Variants in WDR24 observed in about 807,000 individuals in gnomAD.
WDR24 encodes the protein GATOR2 complex protein WDR24.
In WDR24, 32 loss-of-function variants were observed where a neutral mutation model predicts 66.7. That is an observed-to-expected ratio of 0.48 (90% CI 0.36 to 0.64). The LOEUF is 0.64. Ranked by LOEUF, WDR24 falls within the 30% of genes least tolerant of loss-of-function variation. The pLI is 0.00. For synonymous variants in WDR24, 565 were observed against 469.1 expected (o/e 1.20, Z -2.64); for missense variants, 978 against 1,144.1 (o/e 0.85, Z 2.09).
In WDR24 at chr16:690,280, C is replaced by T. The variant is rs562482631; in HGVS notation, c.-640G>A. ...GGTTCCTGGGAGCGGCGCAGTGGCG[C>T]GGGGGAGCGGACGCTGCGGGACGAG... On this transcript the variant is annotated 5_prime_UTR_variant, in exon 1 of 9. Coordinates refer to ENST00000293883, the MANE Select transcript of WDR24 (RefSeq NM_032259.4). 175 of 438,524 alleles carry T rather than the reference C, an allele frequency of 4.0e-4. No homozygotes were observed. Among genetic ancestry groups the T allele is most frequent in the Non-Finnish European group, 6.9e-4 (151 of 217,390 alleles). 27.2% of individuals were successfully genotyped at this position (438,524 alleles called of 1,614,324 possible). A position where few individuals can be genotyped will look rare whatever the true frequency, so the allele number is the denominator to read the frequency against.
Position 684,886 on chromosome 16 carries a change from T to C in WDR24, c.2221A>G (p.Ser741Gly). ...ACGTGGTGGCAGACGGCACACATGC[T>C]GGCGCAGCGGTGGCACCTGGGGGCG... ...WVCDRCHRCA[S>G]MCAVCHHVVK... The change falls in exon 9 of 9, where the codon AGC becomes GGC. Residue 741 changes from serine (S) to glycine (G), a missense_variant. Ser to Gly is a moderately conservative substitution (Grantham distance 56). Coordinates refer to ENST00000293883, the MANE Select transcript of WDR24 (RefSeq NM_032259.4). 2 of 764,958 alleles carry C rather than the reference T, an allele frequency of 2.6e-6. No homozygotes were observed. Among genetic ancestry groups the C allele is most frequent in the Non-Finnish European group, 3.8e-6 (2 of 529,770 alleles). 47.4% of individuals were successfully genotyped at this position (764,958 alleles called of 1,614,324 possible).
Position 685,122 on chromosome 16 carries a change from C to A in WDR24, c.2074G>T (p.Val692Leu). 1 of 1,559,782 alleles carries A rather than the reference C, an allele frequency of 6.4e-7. No homozygotes were observed. The highest frequency in any genetic ancestry group is 1.2e-5 in the South Asian group (1 of 85,426). ...DLLQRFRLWN[V>L]SNEVVKLSTS... Reference sequence around the variant, plus strand: ...CTCAGCTTGACCACCTCGTTGGACACGTTCCAGAGGCGGAAGCGCTGCAGC... The same window carrying A: ...CTCAGCTTGACCACCTCGTTGGACAAGTTCCAGAGGCGGAAGCGCTGCAGC... Residue 692 changes from valine to leucine, a missense_variant, in exon 8 of 9, where the codon GTG becomes TTG. By Grantham distance (32) the Val-to-Leu change is conservative. This residue lies in a region of WDR24 where 676 missense variants were observed against 617.5 expected (regional missense o/e 1.09). Coordinates refer to ENST00000293883, the MANE Select transcript of WDR24 (RefSeq NM_032259.4).
rs568619454 is a variant in WDR24 at position 689,693 on chromosome 16, C to T, written c.-53G>A. The T allele has an allele frequency of 8.8e-6, 14 of 1,584,710 alleles. No homozygotes were observed. In the East Asian group the frequency reaches 2.9e-4, roughly 33 times the overall value. ...CAGGAGGTCAGTGAGGTGGGCTGGCCTGGTCAGCCTGGGTGGGTCATCAGT... is the reference window on the plus strand; with the variant it reads ...CAGGAGGTCAGTGAGGTGGGCTGGCTTGGTCAGCCTGGGTGGGTCATCAGT... On this transcript the variant is annotated 5_prime_UTR_variant, in exon 1 of 9. Coordinates refer to ENST00000293883, the MANE Select transcript of WDR24 (RefSeq NM_032259.4).
At position 686,123 on chromosome 16, in the gene WDR24, T is replaced by C; in HGVS notation, c.1396A>G (p.Asn466Asp). ...YCSPGLVPTA[N>D]LNHSVGKGGS... is the part of the protein sequence containing the mutation. ...CCCTTGCCCACACTGTGGTTGAGGTTTGCAGTGGGCACTAGGCCAGGGCTG... is the reference window on the plus strand; with the variant it reads ...CCCTTGCCCACACTGTGGTTGAGGTCTGCAGTGGGCACTAGGCCAGGGCTG... The change falls in exon 4 of 9, where the codon AAC becomes GAC. Residue 466 changes from asparagine to aspartate, a missense_variant. Around this residue, in one of 2 missense-constraint regions of WDR24, gnomAD observed 676 missense variants for 617.5 expected, o/e 1.09. Coordinates refer to ENST00000293883, the MANE Select transcript of WDR24 (RefSeq NM_032259.4). The C allele has an allele frequency of 6.2e-7, 1 of 1,613,082 alleles. No individual in the cohort carries two copies. Among genetic ancestry groups the C allele is most frequent in the Non-Finnish European group, 8.5e-7 (1 of 1,179,962 alleles).
At chr16:687,904 A>T (rs1279529868) in intron 1 of WDR24, 165 bp from the exon 2 acceptor site, 1 of 890,968 alleles carries the variant, frequency 1.1e-6, no homozygotes, top group Non-Finnish European at 1.8e-6. Flanking sequence ...AGCCACACAG[A>T]GTCGCCACAA....
At chr16:688,584 G>A (rs1013825111) in intron 1 of WDR24, among the ~76,000 whole-genome samples, 4 of 152,218 alleles carry the variant, frequency 2.6e-5, no homozygotes, top group African/African-American at 7.2e-5. Context: ...GAGCCACCGC[G>A]CCCTGCCAGG....
chr16:684,894 C>A lies in WDR24; in HGVS notation c.2213G>T (p.Arg738Leu), dbSNP rs1232722096. The change falls in exon 9 of 9, where the codon CGC becomes CTC. Residue 738 changes from arginine to leucine, a missense_variant. Transcript: ENST00000293883. ...GCAGACGGCACACATGCTGGCGCAG[C>A]GGTGGCACCTGGGGGCGGGCGGGAG... is the stretch of plus-strand genomic sequence containing the variant. The part of the protein sequence containing the change: ...SRGWVCDRCH[R>L]CASMCAVCHH... 1 of 366,540 alleles carries A rather than the reference C, an allele frequency of 2.7e-6. No homozygotes were observed. Among genetic ancestry groups the A allele is most frequent in the South Asian group, 1.8e-5 (1 of 54,718 alleles). 22.7% of individuals were successfully genotyped at this position (366,540 alleles called of 1,614,324 possible). A position where few individuals can be genotyped will look rare whatever the true frequency, so the allele number is the denominator to read the frequency against.
Position 685,682 on chromosome 16 carries a change from G to A in WDR24, c.1675C>T (p.His559Tyr). The change falls in exon 6 of 9, where the codon CAC becomes TAC. Residue 559 changes from histidine to tyrosine, a missense_variant. His to Tyr is a moderately conservative substitution (Grantham distance 83, BLOSUM62 2). Transcript: ENST00000293883. ...ELYLLDPEHAHPEDPECVLPQ... is the reference protein window; with the variant it reads ...ELYLLDPEHAYPEDPECVLPQ... ...CCCTGCCCGGACCCCCACTCACGGT[G>A]CGCGTGTTCCGGATCCAGCAGGTAC... The A allele has an allele frequency of 6.2e-7, 1 of 1,612,986 alleles. No homozygotes were observed. Among genetic ancestry groups the A allele is most frequent in the South Asian group, 1.1e-5 (1 of 91,090 alleles).
In WDR24 at chr16:687,579, G is replaced by C. The variant is rs1171014029; in HGVS notation, c.642C>G (p.Asp214Glu). The change falls in exon 2 of 9, where the codon GAC becomes GAG. Residue 214 changes from aspartate to glutamate, a missense_variant. Asp to Glu is a conservative substitution (Grantham distance 45, BLOSUM62 2). Coordinates refer to ENST00000293883, the MANE Select transcript of WDR24 (RefSeq NM_032259.4). ...TGCCACACCTGTCCTCGGGGTGCCA[G>C]TCGCAGCAGAAGACGGGTCCGTTGT... is the stretch of plus-strand genomic sequence containing the variant. Reference protein sequence around the residue: ...TAHNGPVFCCDWHPEDRGWLA... With the variant: ...TAHNGPVFCCEWHPEDRGWLA... The C allele has an allele frequency of 6.2e-7, 1 of 1,612,912 alleles. No homozygotes were observed. Among genetic ancestry groups the C allele is most frequent in the Non-Finnish European group, 8.5e-7 (1 of 1,179,844 alleles).
At position 686,002 on chromosome 16, in the gene WDR24, A is replaced by G. The variant is rs2039899937; in HGVS notation, c.1452-12T>C. The G allele has an allele frequency of 6.2e-7, 1 of 1,612,866 alleles. No individual in the cohort carries two copies. Among genetic ancestry groups the G allele is most frequent in the Non-Finnish European group, 8.5e-7 (1 of 1,179,972 alleles). Reference sequence around the variant, plus strand: ...CCTTCAGGTTGAAACTGGGGGCAGGAAGGGCCCATGGGTGGGTGGGCTCGA... The same window carrying G: ...CCTTCAGGTTGAAACTGGGGGCAGGGAGGGCCCATGGGTGGGTGGGCTCGA... On this transcript the variant is annotated splice_polypyrimidine_tract_variant and intron_variant, in intron 4 of 8. Coordinates refer to ENST00000293883, the MANE Select transcript of WDR24 (RefSeq NM_032259.4).
At chr16:687,476 C>T in intron 2 of WDR24, 60 bp from the exon 3 acceptor site, 3 of 1,575,980 alleles carry the variant, frequency 1.9e-6, no homozygotes, top group South Asian at 1.1e-5. Context: ...GGGGACCCCC[C>T]CGCTCTGCTG....
At position 684,845 on chromosome 16, in the gene WDR24, G is replaced by A. The variant is rs529150180; in HGVS notation, c.2262C>T (p.Phe754=). 4 of 1,535,386 alleles carry A rather than the reference G, an allele frequency of 2.6e-6. No homozygotes were observed. Among genetic ancestry groups the A allele is most frequent in the East Asian group, 2.6e-5 (1 of 39,084 alleles). Reference sequence around the variant, plus strand: ...CGTGGCTGCAGCCCTGGCACCACACGAAGAGACCCTTGACTACGTGGTGGC... The same window carrying A: ...CGTGGCTGCAGCCCTGGCACCACACAAAGAGACCCTTGACTACGTGGTGGC... ...AVCHHVVKGL[F]VWCQGCSHGG... Residue 754 remains phenylalanine (F), a synonymous_variant, in exon 9 of 9, where the codon TTC becomes TTT. Transcript: ENST00000293883.
Position 686,074 on chromosome 16 carries a change from A to G in WDR24, c.1445T>C (p.Met482Thr). ...AGCTGCCCCCGGCATCTACCTGTTC[A>G]TGAGCGGGAGGCCACAGGAGCCACC... ...GKGGSCGLPLMNSFNLKDMAP... is the reference protein window; with the variant it reads ...GKGGSCGLPLTNSFNLKDMAP... Residue 482 changes from methionine (M) to threonine (T), a missense_variant, in exon 4 of 9, where the codon ATG becomes ACG. Physicochemically the swap from Met to Thr is moderately conservative, Grantham distance 81. This residue lies in a region of WDR24 where 676 missense variants were observed against 617.5 expected (regional missense o/e 1.09). Transcript: ENST00000293883. 5 of 1,612,894 alleles carry G rather than the reference A, an allele frequency of 3.1e-6. No homozygotes were observed. The highest frequency in any genetic ancestry group is 4.2e-6 in the Non-Finnish European group (5 of 1,179,936).
intron 3 of WDR24, 33 bp from the exon 4 acceptor site, chr16:686,219 C>T (rs1280272789): frequency 6.2e-7 from 1 of 1,606,534 alleles, no homozygotes; most frequent in Non-Finnish European, 8.5e-7. Flanking sequence ...TGTGGGCGTC[C>T]TGGACACCCA....
At position 686,992 on chromosome 16, in the gene WDR24, C is replaced by T. The variant is rs2039916077; in HGVS notation, c.1084G>A (p.Ala362Thr). 4 of 1,600,498 alleles carry T rather than the reference C, an allele frequency of 2.5e-6. No individual in the cohort carries two copies. The East Asian group carries it at 6.7e-5, about 27-fold the overall frequency. Residue 362 changes from alanine (A) to threonine (T), a missense_variant, in exon 3 of 9, where the codon GCC (alanine) becomes ACC (threonine). This residue lies in a region of WDR24 where 676 missense variants were observed against 617.5 expected (regional missense o/e 1.09). Transcript: ENST00000293883. The part of the protein sequence containing the change: ...AFAAKESLVA[A>T]ESGRKPYTGD... ...GTGTAGGGCTTGCGCCCCGACTCGG[C>T]AGCCACGAGGCTCTCCTTGGCGGCG...
chr16:685,118 G>T lies in WDR24; in HGVS notation c.2078C>A (p.Ser693Tyr). 6.4e-7 allele frequency: 1 copy of T among 1,558,858 alleles called. No individual in the cohort carries two copies. ...GGTGCTCAGCTTGACCACCTCGTTG[G>T]ACACGTTCCAGAGGCGGAAGCGCTG... is the stretch of plus-strand genomic sequence containing the variant. ...LLQRFRLWNV[S>Y]NEVVKLSTSR... Residue 693 changes from serine (S) to tyrosine (Y), a missense_variant, in exon 8 of 9, where the codon TCC (serine) becomes TAC (tyrosine). Around this residue, in one of 2 missense-constraint regions of WDR24, gnomAD observed 676 missense variants for 617.5 expected, o/e 1.09. Transcript: ENST00000293883.
At position 684,670 on chromosome 16, in the gene WDR24, C is replaced by T. The variant is rs2039861544; in HGVS notation, c.*64G>A. The T allele has an allele frequency of 1.3e-6, 2 of 1,492,570 alleles. No individual in the cohort carries two copies. The highest frequency in any genetic ancestry group is 2.2e-5 in the Admixed American group (1 of 44,742). The allele number at this position is 1,492,570 out of a possible 1,614,324, so 92.5% of individuals were successfully genotyped here. A position where few individuals can be genotyped will look rare whatever the true frequency, so the allele number is the denominator to read the frequency against. On this transcript the variant is annotated 3_prime_UTR_variant, in exon 9 of 9. Transcript: ENST00000293883. The stretch of plus-strand genomic sequence containing the variant: ...GTCTCAAGTTCCAGCCTCCGCCCGT[C>T]TCGGGCACAAGACCAGGCGGGGTTC...
In WDR24 at chr16:688,248, C is replaced by T. The variant is rs190894855; in HGVS notation, c.482-509G>A. Among the ~76,000 whole-genome samples the T allele has an allele frequency of 5.2e-4, 79 of 152,272 alleles. 1 individual carries two copies. Among genetic ancestry groups the T allele is most frequent in the Admixed American group, 1.6e-3 (24 of 15,298 alleles). On this transcript the variant is annotated intron_variant, in intron 1 of 8. Coordinates refer to ENST00000293883, the MANE Select transcript of WDR24 (RefSeq NM_032259.4). ...CCACCACACCAAGAAACTTCAAGGG[C>T]GGTACCCAACCTTCCTCCAGGGCCC...
At chr16:685,638 C>T in intron 6 of WDR24, 41 bp from the exon 7 acceptor site, 3 of 1,611,200 alleles carry the variant, frequency 1.9e-6, no homozygotes, top group Admixed American at 1.7e-5. Flanking sequence ...GTCTGTCCTC[C>T]ATCCGCCTCT....
Sources: gnomAD v4.1 joint callset for allele counts (sites outside exome capture counted in the v4.1 genomes callset) on GRCh38, gnomAD v4.1.1 for gene constraint, gnomAD v4.1.1 regional missense constraint, MANE v1.5 for transcripts, NCBI Gene and HGNC (gene_info 2026-07-23, HGNC 2026-07-21) for gene names.